Variants in CNTN4 observed in about 807,000 individuals in gnomAD.
CNTN4 encodes the protein contactin-4.
Under a neutral mutation model 122.5 loss-of-function variants are expected in CNTN4, and 77 were observed. The observed-to-expected ratio is 0.63, with a 90% CI of 0.52 to 0.76. CNTN4 has a LOEUF of 0.76. Among genes scored for constraint, CNTN4 ranks in the 30% least tolerant of loss-of-function variants. The pLI, the probability that CNTN4 is intolerant of heterozygous loss-of-function variation, is 0.00. For missense variants in CNTN4, 1,256 were observed against 1,259.1 expected (o/e 1.00, Z 0.04); for synonymous variants, 512 against 447.0 (o/e 1.15, Z -1.83).
chr3:3,052,282 G>A (rs1701345167), intron 23 of CNTN4, among the ~76,000 whole-genome samples: 1 of 152,114 alleles, frequency 6.6e-6, no homozygotes, highest in Non-Finnish European at 1.5e-5. Flanking sequence ...GGGCTGCTCT[G>A]TGCATTGTAG....
intron 15 of CNTN4, 132 bp from the exon 16 acceptor site, chr3:3,030,723 C>A: frequency 9.3e-7 from 1 of 1,076,032 alleles, no homozygotes; most frequent in Non-Finnish European, 1.4e-6. Flanking sequence ...TTTTAACAGG[C>A]CATGGTTTGC....
rs1694779736 is a variant in CNTN4, at chr3:2,988,488, A to G, written c.1486+16A>G. The G allele has an allele frequency of 1.1e-5, 17 of 1,613,390 alleles. No individual in the cohort carries two copies. The highest frequency in any genetic ancestry group is 1.4e-5 in the Non-Finnish European group (17 of 1,179,426). On this transcript the variant is annotated intron_variant, in intron 14 of 24. Transcript: ENST00000418658. ...GTAGTGAAAGGTAATGGCTAACCCA[A>G]AGAATTCGAATATTTATATATGTGT...
intron 4 of CNTN4, among the ~76,000 whole-genome samples, chr3:2,632,085 C>CGT (rs530895055): frequency 0.15 from 22,284 of 149,812 alleles, 1,839 homozygotes; most frequent in South Asian, 0.26. Flanking sequence ...CACACACACA[C>CGT]GTGTGTGTAT....
At chr3:2,526,077 A>G (rs1356971766) in intron 3 of CNTN4, among the ~76,000 whole-genome samples, 4 of 152,130 alleles carry the variant, frequency 2.6e-5, no homozygotes, top group Non-Finnish European at 5.9e-5. Context: ...TATACTGTAC[A>G]TTTAGTGAGT....
At chr3:2,733,003 T>C (rs1411590579) in intron 4 of CNTN4, among the ~76,000 whole-genome samples, 2 of 152,222 alleles carry the variant, frequency 1.3e-5, no homozygotes, top group Non-Finnish European at 2.9e-5. Context: ...CAAAGCATCA[T>C]TATTATCAAT....
chr3:2,860,553 T>C (rs1269911948), intron 7 of CNTN4, among the ~76,000 whole-genome samples: 6 of 152,180 alleles, frequency 3.9e-5, no homozygotes, highest in Non-Finnish European at 8.8e-5. Context: ...GTCATTACCG[T>C]CATTATAGGT....
intron 2 of CNTN4, among the ~76,000 whole-genome samples, chr3:2,148,592 T>A (rs1051415997): frequency 6.6e-6 from 1 of 152,140 alleles, no homozygotes; most frequent in Admixed American, 6.6e-5. Flanking sequence ...ATTTTCTAAC[T>A]TCTGGTTTTA....
intron 9 of CNTN4, 93 bp from the exon 10 acceptor site, chr3:2,886,947 T>C (rs890608897): frequency 2.0e-5 from 21 of 1,067,960 alleles, no homozygotes; most frequent in Non-Finnish European, 2.8e-5. Context: ...CACCCAACCT[T>C]ATATGTGTAG....
intron 4 of CNTN4, among the ~76,000 whole-genome samples, chr3:2,575,338 C>A (rs1031871594): frequency 5.3e-5 from 8 of 151,956 alleles, no homozygotes; most frequent in African/African-American, 1.9e-4. Context: ...ATGGCGAAAC[C>A]CAGTCTCTAC....
chr3:2,935,889 C>T (rs974788183), intron 13 of CNTN4, among the ~76,000 whole-genome samples: 9 of 152,058 alleles, frequency 5.9e-5, no homozygotes, highest in South Asian at 2.1e-4. Context: ...CAACCCAAAT[C>T]GTCTGATTCT....
At chr3:2,524,622 T>C (rs1463120284) in intron 3 of CNTN4, among the ~76,000 whole-genome samples, 1 of 152,106 alleles carries the variant, frequency 6.6e-6, no homozygotes, top group African/African-American at 2.4e-5. Context: ...TTTTACTCAT[T>C]TGAACAAAGG....
intron 2 of CNTN4, among the ~76,000 whole-genome samples, chr3:2,210,159 T>G (rs2038546568): frequency 6.6e-6 from 1 of 152,156 alleles, no homozygotes. Context: ...GTTGAGAGAA[T>G]TATGCTTGTC....
intron 4 of CNTN4, among the ~76,000 whole-genome samples, chr3:2,705,312 G>A (rs2086596854): frequency 7.0e-6 from 1 of 143,034 alleles, no homozygotes; most frequent in Non-Finnish European, 1.5e-5. Flanking sequence ...AGCTTGCAGT[G>A]AGCCGAGATT....
At chr3:2,102,759 C>T (rs923188994) in intron 2 of CNTN4, among the ~76,000 whole-genome samples, 4 of 152,002 alleles carry the variant, frequency 2.6e-5, no homozygotes, top group East Asian at 1.9e-4. Context: ...TGTGGATGTA[C>T]GTTACTATTA....
At chr3:2,701,761 T>C (rs962312367) in intron 4 of CNTN4, among the ~76,000 whole-genome samples, 1 of 152,154 alleles carries the variant, frequency 6.6e-6, no homozygotes, top group African/African-American at 2.4e-5. Context: ...GTGATTTCTC[T>C]TTCATGGCTG....
At chr3:2,337,243 A>T (rs1321775897) in intron 2 of CNTN4, among the ~76,000 whole-genome samples, 1 of 152,158 alleles carries the variant, frequency 6.6e-6, no homozygotes, top group Non-Finnish European at 1.5e-5. Flanking sequence ...TCTTTTGGCC[A>T]GGATTCCCTC....
chr3:2,177,992 T>C (rs2036832422), intron 2 of CNTN4, among the ~76,000 whole-genome samples: 1 of 152,082 alleles, frequency 6.6e-6, no homozygotes, highest in Admixed American at 6.6e-5. Flanking sequence ...TCCATATTCC[T>C]AAATTTGAAT....
At chr3:2,641,130 GT>G (rs966038182) in intron 4 of CNTN4, among the ~76,000 whole-genome samples, 32 of 152,018 alleles carry the variant, frequency 2.1e-4, no homozygotes, top group African/African-American at 7.2e-4. Context: ...TCAACTGTAT[GT>G]TTTTTTAAAA....
chr3:2,798,657 G>T (rs1452963340), intron 6 of CNTN4, among the ~76,000 whole-genome samples: 2 of 151,982 alleles, frequency 1.3e-5, no homozygotes, highest in Non-Finnish European at 2.9e-5. Context: ...CCATAGGCAC[G>T]CAACAAAACA....
Sources: allele counts gnomAD v4.1 joint callset (sites outside exome capture counted in the v4.1 genomes callset), GRCh38; gene constraint gnomAD v4.1.1; transcripts MANE v1.5; gene names NCBI Gene and HGNC (gene_info 2026-07-23, HGNC 2026-07-21).